Variants in CSMD1 observed in about 807,000 individuals in gnomAD.
CSMD1 encodes CUB and sushi domain-containing protein 1.
Under a neutral mutation model 417.5 loss-of-function variants are expected in CSMD1, and 213 were observed. That is an observed-to-expected ratio of 0.51 (90% CI 0.46 to 0.57). CSMD1 has a LOEUF of 0.57. CSMD1 is among the 20% of genes least tolerant of loss of function. The pLI is 0.00. For synonymous variants in CSMD1, 2,862 were observed against 1,736.8 expected (o/e 1.65, Z -16.11); for missense variants, 6,923 against 4,529.7 (o/e 1.53, Z -15.17).
At chr8:3,720,620 T>C (rs1018055785) in intron 6 of CSMD1, among the ~76,000 whole-genome samples, 1 of 143,322 alleles carries the variant, frequency 7.0e-6, no homozygotes, top group Admixed American at 7.0e-5. Flanking sequence ...TCTTTATTCT[T>C]ACACACACAC....
chr8:4,728,514 G>C (rs751155664), intron 1 of CSMD1, among the ~76,000 whole-genome samples: 3 of 152,010 alleles, frequency 2.0e-5, no homozygotes, highest in African/African-American at 7.2e-5. Context: ...TATTTACTAG[G>C]TGAAATAAAT....
At chr8:2,948,434 G>C (rs997379772) in intron 68 of CSMD1, among the ~76,000 whole-genome samples, 5 of 151,940 alleles carry the variant, frequency 3.3e-5, no homozygotes, top group Non-Finnish European at 7.4e-5. Context: ...AAATCAAATA[G>C]TACAGAAAGC....
intron 3 of CSMD1, among the ~76,000 whole-genome samples, chr8:4,411,785 G>A (rs186817173): frequency 1.3e-5 from 2 of 152,058 alleles, no homozygotes; most frequent in Non-Finnish European, 2.9e-5. Context: ...CACCAAAATG[G>A]AATCACGTGG....
chr8:4,277,717 A>C (rs1044745398), intron 3 of CSMD1, among the ~76,000 whole-genome samples: 1 of 152,116 alleles, frequency 6.6e-6, no homozygotes, highest in Non-Finnish European at 1.5e-5. Context: ...GTGTTAACAT[A>C]ATTAGACCTT....
chr8:4,614,889 C>T (rs1801389151), intron 2 of CSMD1, among the ~76,000 whole-genome samples: 1 of 151,966 alleles, frequency 6.6e-6, no homozygotes. Context: ...AATATTTTCT[C>T]TAGAGTAAAA....
chr8:4,342,209 G>T (rs958075944), intron 3 of CSMD1, among the ~76,000 whole-genome samples: 1 of 5,408 alleles, frequency 1.8e-4, no homozygotes, highest in Non-Finnish European at 3.2e-4. Context: ...CTGTGTCTGT[G>T]TGTGTGTGTG....
chr8:4,471,131 T>G (rs1373407468), intron 2 of CSMD1, among the ~76,000 whole-genome samples: 1 of 152,230 alleles, frequency 6.6e-6, no homozygotes, highest in Non-Finnish European at 1.5e-5. Flanking sequence ...AAAATTATCC[T>G]TCAACAGAAC....
chr8:4,721,365 G>C (rs531371987), intron 1 of CSMD1, among the ~76,000 whole-genome samples: 1 of 152,204 alleles, frequency 6.6e-6, no homozygotes, highest in South Asian at 2.1e-4. Context: ...CCTAGTGATA[G>C]ACAAGTATAA....
At chr8:4,464,837 A>C (rs1252887036) in intron 2 of CSMD1, among the ~76,000 whole-genome samples, 1 of 152,146 alleles carries the variant, frequency 6.6e-6, no homozygotes, top group Non-Finnish European at 1.5e-5. Context: ...GAAAGTATCT[A>C]TGATCCCAAT....
At chr8:3,427,567 A>C (rs12335315) in intron 12 of CSMD1, among the ~76,000 whole-genome samples, 16,040 of 152,236 alleles carry the variant, frequency 0.11, 947 homozygotes, top group African/African-American at 0.14. Context: ...AAATAATCAT[A>C]TTTCAAATCT....
intron 5 of CSMD1, among the ~76,000 whole-genome samples, chr8:3,760,199 C>T (rs1343141288): frequency 6.6e-6 from 1 of 152,122 alleles, no homozygotes; most frequent in Non-Finnish European, 1.5e-5. Context: ...GGTCAGGAAA[C>T]CCACAAAGCC....
chr8:3,661,367 T>G (rs1348909280), intron 7 of CSMD1, among the ~76,000 whole-genome samples: 1 of 151,892 alleles, frequency 6.6e-6, no homozygotes, highest in African/African-American at 2.4e-5. Flanking sequence ...TCACTGCAGA[T>G]TTCTGTATGT....
At chr8:3,858,398 A>C (rs901380260) in intron 5 of CSMD1, among the ~76,000 whole-genome samples, 1 of 152,174 alleles carries the variant, frequency 6.6e-6, no homozygotes, top group Non-Finnish European at 1.5e-5. Context: ...AATGAATTCT[A>C]TGCTGTTTCT....
chr8:4,892,895 G>A (rs866507841), intron 1 of CSMD1, among the ~76,000 whole-genome samples: 1 of 152,002 alleles, frequency 6.6e-6, no homozygotes, highest in African/African-American at 2.4e-5. Flanking sequence ...TTTCCCTTTG[G>A]CTTTATAAAG....
chr8:3,061,959 G>C (rs1812616824), intron 49 of CSMD1, among the ~76,000 whole-genome samples: 1 of 152,092 alleles, frequency 6.6e-6, no homozygotes, highest in African/African-American at 2.4e-5. Flanking sequence ...GACGAAGCCT[G>C]CCTTTCAGTT....
intron 1 of CSMD1, among the ~76,000 whole-genome samples, chr8:4,830,067 G>A (rs533813561): frequency 6.6e-6 from 1 of 152,266 alleles, no homozygotes; most frequent in East Asian, 1.9e-4. Context: ...TGCACGTCCT[G>A]CCTAGGCCAG....
Position 3,387,679 on chromosome 8 carries a change from A to G in CSMD1, c.2597T>C (p.Val866Ala). The change falls in exon 18 of 70, where the codon GTG becomes GCG. Residue 866 changes from valine to alanine, a missense_variant. Coordinates refer to ENST00000635120, the MANE Select transcript of CSMD1 (RefSeq NM_033225.6). ...CAGGCAGGAATCCGACTCAAGCGTC[A>G]CACCTGGATGCACAGAACGAATGCA... The part of the protein sequence containing the change: ...SIGFLIHYES[V>A]TLESDSCLDP... 1 of 1,593,260 alleles carries G rather than the reference A, an allele frequency of 6.3e-7. No individual in the cohort carries two copies. Among genetic ancestry groups the G allele is most frequent in the South Asian group, 1.1e-5 (1 of 87,594 alleles).
rs1802340144 is a variant in CSMD1, at chr8:3,723,987, C to T, written c.932-15496G>A. Reference sequence around the variant, plus strand: ...TTAATGTTGTGTGAAAGAAAAATGTCCACTATTATCTAAGAGGGATATTAA... The same window carrying T: ...TTAATGTTGTGTGAAAGAAAAATGTTCACTATTATCTAAGAGGGATATTAA... On this transcript the variant is annotated intron_variant, in intron 6 of 69. Transcript: ENST00000635120. Among the ~76,000 whole-genome samples the T allele has an allele frequency of 3.9e-5, 2 of 51,472 alleles. 1 individual carries two copies. 33.8% of individuals were successfully genotyped at this position (51,472 alleles called of 152,430 possible).
chr8:2,974,259 C>T (rs1188876317), intron 56 of CSMD1, among the ~76,000 whole-genome samples, 192 bp downstream of exon 56: 1 of 152,228 alleles, frequency 6.6e-6, no homozygotes, highest in Non-Finnish European at 1.5e-5. Flanking sequence ...GTAATGGTGT[C>T]TAACGATTAT....
Sources: allele counts gnomAD v4.1 joint callset (sites outside exome capture counted in the v4.1 genomes callset), GRCh38; gene constraint gnomAD v4.1.1; transcripts MANE v1.5; gene names NCBI Gene and HGNC (gene_info 2026-07-23, HGNC 2026-07-21).